Variants in AGBL4 observed in about 807,000 individuals in gnomAD.
AGBL4 encodes cytosolic carboxypeptidase 6.
In AGBL4, 58 loss-of-function variants were observed where a neutral mutation model predicts 66.4. The observed-to-expected ratio is 0.87, with a 90% confidence interval of 0.71 to 1.09. The LOEUF (loss-of-function observed/expected upper bound fraction) is 1.09. Ranked by LOEUF, AGBL4 falls within the 50% of genes least tolerant of loss-of-function variation. The probability of loss-of-function intolerance (pLI) is 0.00; values close to 1 mark genes in which losing one functional copy is unlikely to be tolerated. For synonymous variants in AGBL4, 234 were observed against 222.9 expected (o/e 1.05, Z -0.44); for missense variants, 579 against 631.0 (o/e 0.92, Z 0.88).
chr1:48,534,182 G>A lies in AGBL4; in HGVS notation c.1503C>T (p.Thr501=). 6.4e-7 allele frequency: 1 copy of A among 1,551,512 alleles called. No individual in the cohort carries two copies. The part of the protein sequence containing the change: ...KSSVNHKDPS[T]PF ...CCAGGACTCCGTGTCTTTAAAAAGG[G>A]GTTGAAGGGTCTTTGTGGTTCACTG... The change falls in exon 14 of 14, where the codon ACC becomes ACT. Residue 501 remains threonine (T), a synonymous_variant. Transcript: ENST00000371839.
chr1:49,818,328 T>A (rs1014226599), intron 2 of AGBL4, among the ~76,000 whole-genome samples: 1 of 151,324 alleles, frequency 6.6e-6, no homozygotes, highest in East Asian at 1.9e-4. Context: ...ATCATATGGG[T>A]TTTTTTTAGT....
intron 3 of AGBL4, among the ~76,000 whole-genome samples, chr1:49,667,347 A>G (rs1262649469): frequency 2.0e-5 from 3 of 152,012 alleles, no homozygotes; most frequent in Non-Finnish European, 2.9e-5. Flanking sequence ...AGTTACTGCT[A>G]TTTGGGAGGC....
intron 3 of AGBL4, among the ~76,000 whole-genome samples, chr1:49,581,108 C>G (rs903228450): frequency 6.6e-6 from 1 of 151,884 alleles, no homozygotes; most frequent in Non-Finnish European, 1.5e-5. Context: ...TTCTGAAATT[C>G]TTTCTTCTGC....
intron 4 of AGBL4, among the ~76,000 whole-genome samples, chr1:49,104,921 C>T (rs1227768006): frequency 6.6e-6 from 1 of 152,176 alleles, no homozygotes; most frequent in African/African-American, 2.4e-5. Flanking sequence ...CAAGAATCCT[C>T]CTAGAGCTGG....
chr1:49,329,329 T>C (rs1180287600), intron 3 of AGBL4, among the ~76,000 whole-genome samples: 1 of 151,330 alleles, frequency 6.6e-6, no homozygotes, highest in African/African-American at 2.4e-5. Context: ...AACAAAAACC[T>C]CTCTAAGCTG....
chr1:49,170,173 A>ATTATAAATTTATATTCATATAAATATG lies in AGBL4; in HGVS notation c.377+75570_377+75596dup, dbSNP rs1488652712. On this transcript the variant is annotated intron_variant, in intron 4 of 13. Transcript: ENST00000371839. The stretch of plus-strand genomic sequence containing the variant: ...TATAAATTTATATTCATATAAATAT[A>ATTATAAATTTATATTCATATAAATATG]TTATAAATTTATATTCATATAAATA... Among the ~76,000 whole-genome samples, 124 of 144,176 alleles carry ATTATAAATTTATATTCATATAAATATG rather than the reference A, an allele frequency of 8.6e-4. 5 individuals are homozygous for ATTATAAATTTATATTCATATAAATATG. The highest frequency in any genetic ancestry group is 1.5e-3 in the Non-Finnish European group (95 of 64,672). 94.6% of individuals were successfully genotyped at this position (144,176 alleles called of 152,430 possible).
chr1:49,419,138 T>C (rs1324274009), intron 3 of AGBL4, among the ~76,000 whole-genome samples: 2 of 152,098 alleles, frequency 1.3e-5, no homozygotes, highest in Admixed American at 6.6e-5. Context: ...CAAAGCAATA[T>C]ACAAAAATAT....
intron 3 of AGBL4, among the ~76,000 whole-genome samples, chr1:49,672,656 CATGCCTGTA>C (rs1457851976): frequency 2.0e-5 from 3 of 152,122 alleles, no homozygotes; most frequent in African/African-American, 7.2e-5. Context: ...CATGGTGGCT[CATGCCTGTA>C]ATCCCAGCAC....
chr1:48,879,794 A>G lies in AGBL4; in HGVS notation c.595-12564T>C, dbSNP rs757088422. 2.0e-5 allele frequency among the ~76,000 whole-genome samples: 3 copies of G among 152,184 alleles called. No individual in the cohort carries two copies. In the South Asian group the frequency reaches 6.2e-4, roughly 32 times the overall value. ...ATTAAATTGCCCAAGTCGTACAGAT[A>G]GTAAGTGATGGAGCTCAGATTAAAA... is the stretch of plus-strand genomic sequence containing the variant. On this transcript the variant is annotated intron_variant, in intron 5 of 13. Transcript: ENST00000371839.
intron 2 of AGBL4, among the ~76,000 whole-genome samples, chr1:49,737,078 G>A (rs1447733657): frequency 6.6e-6 from 1 of 152,058 alleles, no homozygotes; most frequent in African/African-American, 2.4e-5. Flanking sequence ...CTTATATGCT[G>A]TTGGTGAAAA....
intron 1 of AGBL4, among the ~76,000 whole-genome samples, chr1:49,864,548 A>T (rs968786845): frequency 1.3e-5 from 2 of 152,088 alleles, no homozygotes; most frequent in Non-Finnish European, 1.5e-5. Context: ...GCAGAGCAAC[A>T]GCCCACCCAG....
intron 5 of AGBL4, among the ~76,000 whole-genome samples, chr1:48,898,295 C>G (rs1651737852): frequency 6.6e-6 from 1 of 152,118 alleles, no homozygotes; most frequent in Admixed American, 6.5e-5. Flanking sequence ...TGTGCAGAAA[C>G]TTTTTAGCTT....
At position 49,114,399 on chromosome 1, in the gene AGBL4, G is replaced by A. The variant is rs567946227; in HGVS notation, c.378-68599C>T. Among the ~76,000 whole-genome samples the A allele has an allele frequency of 7.9e-5, 12 of 152,292 alleles. No individual in the cohort carries two copies. The South Asian group carries it at 2.3e-3, about 29-fold the overall frequency. Reference sequence around the variant, plus strand: ...GAGCCTTGATCTGGATTAGGCTTTGGCTTAAGGAAATGTTGTGGCTGGTTT... The same window carrying A: ...GAGCCTTGATCTGGATTAGGCTTTGACTTAAGGAAATGTTGTGGCTGGTTT... On this transcript the variant is annotated intron_variant, in intron 4 of 13. Coordinates refer to ENST00000371839, the MANE Select transcript of AGBL4 (RefSeq NM_032785.4).
At chr1:49,328,483 T>C (rs747779831) in intron 3 of AGBL4, among the ~76,000 whole-genome samples, 1 of 152,206 alleles carries the variant, frequency 6.6e-6, no homozygotes. Flanking sequence ...CCATACACTT[T>C]TATTAATGGG....
intron 3 of AGBL4, among the ~76,000 whole-genome samples, chr1:49,434,154 A>AT (rs1321477955): frequency 1.3e-5 from 2 of 152,166 alleles, no homozygotes; most frequent in African/African-American, 4.8e-5. Flanking sequence ...AGATTGCTGG[A>AT]TTGGTGGAGC....
intron 5 of AGBL4, among the ~76,000 whole-genome samples, chr1:48,936,164 C>G (rs1195654574): frequency 6.6e-6 from 1 of 150,766 alleles, no homozygotes; most frequent in Non-Finnish European, 1.5e-5. Flanking sequence ...GTGGTGCATG[C>G]CTGTAGTCCC....
intron 1 of AGBL4, among the ~76,000 whole-genome samples, chr1:50,012,062 G>A (rs1661580143): frequency 6.6e-6 from 1 of 152,054 alleles, no homozygotes; most frequent in Non-Finnish European, 1.5e-5. Flanking sequence ...GGGAGGCTGA[G>A]GCAGGAGAAT....
chr1:49,413,255 C>T (rs1430298440), intron 3 of AGBL4, among the ~76,000 whole-genome samples: 2 of 152,142 alleles, frequency 1.3e-5, no homozygotes, highest in Admixed American at 6.5e-5. Flanking sequence ...ATGCATTCAA[C>T]ATTTATTTAA....
intron 3 of AGBL4, chr1:49,527,310 A>G (rs1650745394): frequency 6.6e-6 from 1 of 152,036 alleles, no homozygotes; most frequent in Admixed American, 6.6e-5. Flanking sequence ...CCATCCAGTC[A>G]TCAAGCCCAT....
Sources: allele counts gnomAD v4.1 joint callset (sites outside exome capture counted in the v4.1 genomes callset), GRCh38; gene constraint gnomAD v4.1.1; transcripts MANE v1.5; gene names NCBI Gene and HGNC (gene_info 2026-07-23, HGNC 2026-07-21).